CLIP2: variants seen among roughly 807,000 people sequenced by gnomAD.
The protein encoded by CLIP2 is CAP-Gly domain-containing linker protein 2.
Under a neutral mutation model 111.7 loss-of-function variants are expected in CLIP2, and 41 were observed. The observed-to-expected ratio is 0.37, with a 90% CI of 0.29 to 0.48. The LOEUF (loss-of-function observed/expected upper bound fraction) is 0.48, where lower values mean the gene tolerates loss of function less well. Ranked by LOEUF, CLIP2 falls within the 20% of genes least tolerant of loss-of-function variation. The pLI is 0.99. For synonymous variants in CLIP2, 660 were observed against 644.2 expected, an observed-to-expected ratio of 1.02 and a Z score of -0.37; for missense variants, 1,160 against 1,422.1, an observed-to-expected ratio of 0.82 and a Z score of 2.96.
At chr7:74,400,331 GCA>G in intron 14 of CLIP2, 37 bp from the exon 15 acceptor site, 1 of 1,522,126 alleles carries the variant, frequency 6.6e-7, no homozygotes, top group Non-Finnish European at 8.9e-7. Flanking sequence ...ACACACACAC[GCA>G]CACTCATGTA....
At chr7:74,393,167 C>T (rs1791345507) in intron 13 of CLIP2, among the ~76,000 whole-genome samples, 1 of 151,508 alleles carries the variant, frequency 6.6e-6, no homozygotes, top group African/African-American at 2.4e-5. Context: ...TCCCGAGTAG[C>T]TGGGATTACA....
At chr7:74,298,351 A>G (rs1788230214) in intron 1 of CLIP2, among the ~76,000 whole-genome samples, 1 of 132,932 alleles carries the variant, frequency 7.5e-6, no homozygotes, top group Non-Finnish European at 1.6e-5. Flanking sequence ...ACACCCTGCT[A>G]ATTGGTTTTT....
intron 11 of CLIP2, among the ~76,000 whole-genome samples, chr7:74,385,005 G>A (rs561958603): frequency 2.6e-5 from 4 of 151,252 alleles, no homozygotes; most frequent in Non-Finnish European, 5.9e-5. Context: ...GGCTAGGCGC[G>A]GTGGCTCATG....
chr7:74,363,291 T>C (rs1362015080), intron 7 of CLIP2, among the ~76,000 whole-genome samples: 22 of 152,150 alleles, frequency 1.4e-4, no homozygotes, highest in Non-Finnish European at 2.9e-5. Context: ...CGTGAGCCAC[T>C]GCAACTGGCC....
intron 1 of CLIP2, among the ~76,000 whole-genome samples, chr7:74,295,210 C>T (rs1188414515): frequency 6.6e-6 from 1 of 152,190 alleles, no homozygotes; most frequent in Non-Finnish European, 1.5e-5. Context: ...GATCCTCCCA[C>T]CTTGGCCTCC....
intron 3 of CLIP2, among the ~76,000 whole-genome samples, chr7:74,351,322 C>T (rs782605048): frequency 2.8e-4 from 42 of 149,206 alleles, no homozygotes; most frequent in Middle Eastern, 3.5e-3. Context: ...GCGTGGTGCC[C>T]TGTGCCTGTA....
chr7:74,333,257 C>T (rs1554731595), intron 2 of CLIP2, among the ~76,000 whole-genome samples: 1 of 151,932 alleles, frequency 6.6e-6, no homozygotes, highest in African/African-American at 2.4e-5. Context: ...GATTTCAGCT[C>T]ACTGAAACCT....
intron 1 of CLIP2, among the ~76,000 whole-genome samples, chr7:74,297,923 AG>A (rs1357795443): frequency 6.6e-6 from 1 of 151,500 alleles, no homozygotes; most frequent in Non-Finnish European, 1.5e-5. Context: ...AGCGATCCAG[AG>A]GAGGGCACTT....
At chr7:74,351,844 TAAATA>T (rs1323512647) in intron 3 of CLIP2, among the ~76,000 whole-genome samples, 1 of 151,104 alleles carries the variant, frequency 6.6e-6, no homozygotes, top group South Asian at 2.1e-4. Flanking sequence ...TCAAAATAAA[TAAATA>T]AAATAAAATA....
At chr7:74,322,409 C>T (rs1283217065) in intron 2 of CLIP2, among the ~76,000 whole-genome samples, 2 of 151,778 alleles carry the variant, frequency 1.3e-5, no homozygotes, top group Non-Finnish European at 2.9e-5. Flanking sequence ...AGTTCGAGAC[C>T]AGCCTGGGCA....
intron 1 of CLIP2, among the ~76,000 whole-genome samples, chr7:74,299,526 C>T (rs1197561533): frequency 6.6e-6 from 1 of 152,084 alleles, no homozygotes; most frequent in Non-Finnish European, 1.5e-5. Context: ...TCCAAGCCAC[C>T]ACACCCTGGA....
At position 74,389,165 on chromosome 7, in the gene CLIP2, C is replaced by A. The variant is rs782511561; in HGVS notation, c.2626C>A (p.Arg876Ser). 1.9e-6 allele frequency: 3 copies of A among 1,613,684 alleles called. No homozygotes were observed. The highest frequency in any genetic ancestry group is 8.5e-7 in the Non-Finnish European group (1 of 1,179,940). Reference sequence around the variant, plus strand: ...GGACGCCCTCCTGAAGGAGAAGCGGCGCCTGGAGGCAGAGCTGGAGACCGT... The same window carrying A: ...GGACGCCCTCCTGAAGGAGAAGCGGAGCCTGGAGGCAGAGCTGGAGACCGT... The part of the protein sequence containing the change: ...KVDALLKEKR[R>S]LEAELETVSR... The change falls in exon 13 of 17, where the codon CGC becomes AGC. Residue 876 changes from arginine to serine, a missense_variant. Around this residue, in one of 5 missense-constraint regions of CLIP2, gnomAD observed 676 missense variants for 777.8 expected, o/e 0.87. Transcript: ENST00000223398.
intron 8 of CLIP2, among the ~76,000 whole-genome samples, chr7:74,371,564 G>T (rs1790622702): frequency 6.7e-6 from 1 of 149,390 alleles, no homozygotes; most frequent in Non-Finnish European, 1.5e-5. Context: ...GACACAAAGA[G>T]GGGAGACAGG....
At chr7:74,398,215 C>A (rs1031168598) in intron 14 of CLIP2, among the ~76,000 whole-genome samples, 1 of 151,878 alleles carries the variant, frequency 6.6e-6, no homozygotes, top group Non-Finnish European at 1.5e-5. Context: ...AAAAATTAGC[C>A]GGGCATGGTG....
chr7:74,381,158 TTTTA>T (rs1253406651), intron 11 of CLIP2: 21 of 182,504 alleles, frequency 1.2e-4, no homozygotes, highest in South Asian at 3.9e-4. Flanking sequence ...TATATTTTAT[TTTTA>T]TTTATTTATT....
chr7:74,402,358 A>C (rs1268482611), intron 16 of CLIP2, among the ~76,000 whole-genome samples: 1 of 151,182 alleles, frequency 6.6e-6, no homozygotes, highest in African/African-American at 2.4e-5. Context: ...AAAAAAAAAA[A>C]AATACAAAAT....
chr7:74,400,286 G>A (rs1004969895), intron 14 of CLIP2, 84 bp from the exon 15 acceptor site: 57 of 1,236,752 alleles, frequency 4.6e-5, no homozygotes, highest in Non-Finnish European at 5.7e-5. Flanking sequence ...AGTGAGGCTG[G>A]AAGACTTTCC....
intron 3 of CLIP2, among the ~76,000 whole-genome samples, chr7:74,346,063 C>T (rs1789788854): frequency 6.6e-6 from 1 of 152,016 alleles, no homozygotes; most frequent in East Asian, 1.9e-4. Flanking sequence ...ACTGCACCCT[C>T]AAACTCCTGG....
At chr7:74,351,918 C>T (rs1790014153) in intron 3 of CLIP2, among the ~76,000 whole-genome samples, 1 of 152,006 alleles carries the variant, frequency 6.6e-6, no homozygotes, top group Admixed American at 6.6e-5. Context: ...TCAGGGGATC[C>T]AGAAAACAGG....
Sources: gnomAD v4.1 joint callset for allele counts (sites outside exome capture counted in the v4.1 genomes callset) on GRCh38, gnomAD v4.1.1 for gene constraint, gnomAD v4.1.1 regional missense constraint, MANE v1.5 for transcripts, NCBI Gene and HGNC (gene_info 2026-07-23, HGNC 2026-07-21) for gene names.